EML4: variants seen among roughly 807,000 people sequenced by gnomAD.
EML4 encodes echinoderm microtubule-associated protein-like 4.
EML4 carries 72 observed loss-of-function variants against 129.0 expected under a neutral mutation model. That is an observed-to-expected ratio of 0.56 (90% CI 0.46 to 0.68). EML4 has a LOEUF of 0.68. Among genes scored for constraint, EML4 ranks in the 30% least tolerant of loss-of-function variants. The pLI, the probability that EML4 is intolerant of heterozygous loss-of-function variation, is 0.00. For synonymous variants in EML4, 532 were observed against 405.0 expected (o/e 1.31, Z -3.77); for missense variants, 1,363 against 1,190.6 (o/e 1.14, Z -2.13).
chr2:42,323,431 A>G (rs1669624335), intron 19 of EML4, among the ~76,000 whole-genome samples: 1 of 152,196 alleles, frequency 6.6e-6, no homozygotes, highest in African/African-American at 2.4e-5. Flanking sequence ...AATTCTAGTG[A>G]TTTCAGAAAG....
intron 11 of EML4, among the ~76,000 whole-genome samples, chr2:42,294,147 T>C (rs770486129): frequency 5.3e-5 from 8 of 152,214 alleles, no homozygotes; most frequent in Non-Finnish European, 8.8e-5. Context: ...TAGAATGATA[T>C]CCTCAATTGA....
chr2:42,320,095 G>A (rs1376805407), intron 19 of EML4: 1 of 152,168 alleles, frequency 6.6e-6, no homozygotes, highest in Non-Finnish European at 1.5e-5. Flanking sequence ...GGTACCCAAT[G>A]ATGTGAAACA....
At chr2:42,179,263 G>GTTT (rs11396677) in intron 1 of EML4, among the ~76,000 whole-genome samples, 83 of 142,822 alleles carry the variant, frequency 5.8e-4, no homozygotes, top group Middle Eastern at 3.3e-3. Context: ...GGGGAGCTGG[G>GTTT]TTTTTTTTTT....
chr2:42,325,602 TTATATATATA>T lies in EML4; in HGVS notation c.2242+76_2242+85del, dbSNP rs10530482. ...ATATATATATATGCTATGATTATAT[TTATATATATA>T]TATATATATATATATATATATATAT... On this transcript the variant is annotated intron_variant, in intron 20 of 22. Coordinates refer to ENST00000318522, the MANE Select transcript of EML4 (RefSeq NM_019063.5). 466 of 129,240 alleles carry T rather than the reference TTATATATATA, an allele frequency of 3.6e-3. 19 individuals carry two copies. The highest frequency in any genetic ancestry group is 5.7e-3 in the Middle Eastern group (2 of 348). 8.0% of individuals were successfully genotyped at this position (129,240 alleles called of 1,614,324 possible).
At chr2:42,254,476 A>G (rs982488664) in intron 2 of EML4, among the ~76,000 whole-genome samples, 2 of 151,574 alleles carry the variant, frequency 1.3e-5, no homozygotes, top group African/African-American at 4.8e-5. Flanking sequence ...AAAAAAGACT[A>G]AGAAAGAAGA....
intron 17 of EML4, among the ~76,000 whole-genome samples, chr2:42,315,308 TC>T (rs747691090): frequency 3.3e-5 from 5 of 152,200 alleles, no homozygotes; most frequent in Admixed American, 6.5e-5. Context: ...ATTTCTTCAT[TC>T]TTTGTTTCAA....
intron 6 of EML4, among the ~76,000 whole-genome samples, chr2:42,273,731 C>CAA (rs1001435761): frequency 6.6e-6 from 1 of 152,114 alleles, no homozygotes; most frequent in Non-Finnish European, 1.5e-5. Flanking sequence ...TAATCTTTAG[C>CAA]AAGTACTGGA....
chr2:42,196,309 G>T (rs1671893397), intron 1 of EML4, among the ~76,000 whole-genome samples: 1 of 152,206 alleles, frequency 6.6e-6, no homozygotes, highest in South Asian at 2.1e-4. Context: ...CACTTAATAT[G>T]TGCTTAATGA....
At chr2:42,322,624 G>A (rs1177931576) in intron 19 of EML4, among the ~76,000 whole-genome samples, 1 of 152,206 alleles carries the variant, frequency 6.6e-6, no homozygotes, top group Non-Finnish European at 1.5e-5. Flanking sequence ...AACGCCATAT[G>A]GCTATTTAAT....
At chr2:42,308,761 T>C (rs140262928) in intron 17 of EML4, among the ~76,000 whole-genome samples, 1 of 152,112 alleles carries the variant, frequency 6.6e-6, no homozygotes, top group Non-Finnish European at 1.5e-5. Context: ...CCTCCCCCCT[T>C]ACTCTAGGCA....
Position 42,203,477 on chromosome 2 carries a change from T to C in EML4, c.25+33841T>C, listed in dbSNP as rs182942506. Among the ~76,000 whole-genome samples, 14 of 152,310 alleles carry C rather than the reference T, an allele frequency of 9.2e-5. No homozygotes were observed. The East Asian group carries it at 2.5e-3, about 27-fold the overall frequency. On this transcript the variant is annotated intron_variant, in intron 1 of 22. Coordinates refer to ENST00000318522, the MANE Select transcript of EML4 (RefSeq NM_019063.5). ...ATTGACATAGCTGTAATTAAACTTA[T>C]TAATATAACAAAGTTCACATGAACT...
intron 8 of EML4, among the ~76,000 whole-genome samples, chr2:42,284,285 CA>C (rs1425895822): frequency 2.6e-5 from 4 of 152,180 alleles, no homozygotes; most frequent in Non-Finnish European, 4.4e-5. Context: ...TAAAATTAAA[CA>C]GCACAATATT....
At chr2:42,270,238 C>T (rs1044288685) in intron 6 of EML4, among the ~76,000 whole-genome samples, 4 of 152,168 alleles carry the variant, frequency 2.6e-5, no homozygotes, top group African/African-American at 7.2e-5. Context: ...ACAATACCTT[C>T]ACTAACTTGC....
At chr2:42,291,965 T>A (rs1313114563) in intron 11 of EML4, among the ~76,000 whole-genome samples, 1 of 152,074 alleles carries the variant, frequency 6.6e-6, no homozygotes, top group Non-Finnish European at 1.5e-5. Flanking sequence ...CCAAAATATC[T>A]TACGTGAAAA....
chr2:42,200,103 A>AT (rs984491353), intron 1 of EML4, among the ~76,000 whole-genome samples: 12 of 147,438 alleles, frequency 8.1e-5, no homozygotes, highest in Non-Finnish European at 1.5e-4. Context: ...AAGTCAGGAG[A>AT]TTGAGACCAT....
rs781208668 is a variant in EML4, at chr2:42,234,724, A to G, written c.26-10781A>G. 4.1e-4 allele frequency among the ~76,000 whole-genome samples: 62 copies of G among 152,258 alleles called. 1 individual carries two copies. Among genetic ancestry groups the G allele is most frequent in the Non-Finnish European group, 6.9e-4 (47 of 68,048 alleles). On this transcript the variant is annotated intron_variant, in intron 1 of 22. Transcript: ENST00000318522. ...TCAGCTTGTTCTTGTTCTCTGTGAA[A>G]AAAGATGGTCATGTATATAAAACAG...
At position 42,330,110 on chromosome 2, in the gene EML4, G is replaced by GT. The variant is rs775559754; in HGVS notation, c.2850dup (p.Glu951Ter). On this transcript the variant is annotated frameshift_variant, in exon 23 of 23. Transcript: ENST00000318522. LOFTEE classifies it high-confidence loss of function. ...AGTGAAGAGGGCAGCGGAGACCTTG[G>GT]TGAGCCTCTTTATGAAGAGCCATGC... is the stretch of plus-strand genomic sequence containing the variant. The GT allele has an allele frequency of 1.9e-6, 3 of 1,612,560 alleles. No homozygotes were observed. Among genetic ancestry groups the GT allele is most frequent in the South Asian group, 1.1e-5 (1 of 90,936 alleles).
chr2:42,233,023 G>C (rs11124863), intron 1 of EML4, among the ~76,000 whole-genome samples: 41,813 of 152,004 alleles, frequency 0.28, 6,511 homozygotes, highest in East Asian at 0.59. Flanking sequence ...TGCCTGGCCT[G>C]TGAAGGCCTT....
intron 1 of EML4, among the ~76,000 whole-genome samples, chr2:42,216,672 T>C (rs1250595627): frequency 1.3e-5 from 2 of 152,214 alleles, no homozygotes; most frequent in Non-Finnish European, 2.9e-5. Flanking sequence ...AATTAAAACA[T>C]GTTTTGAATG....
Sources: allele counts gnomAD v4.1 joint callset (sites outside exome capture counted in the v4.1 genomes callset), GRCh38; gene constraint gnomAD v4.1.1; transcripts MANE v1.5; gene names NCBI Gene and HGNC (gene_info 2026-07-23, HGNC 2026-07-21).